Variants in ARHGEF6 observed in about 807,000 individuals in gnomAD.
The protein encoded by ARHGEF6 is Rac/Cdc42 guanine nucleotide exchange factor 6.
A neutral mutation model predicts 70.3 loss-of-function variants in ARHGEF6; 9 were observed. The observed-to-expected ratio is 0.13, with a 90% CI of 0.08 to 0.22. The LOEUF is 0.22. Among genes scored for constraint, ARHGEF6 ranks in the 10% least tolerant of loss-of-function variants. ARHGEF6 has a pLI of 1.00. For synonymous variants in ARHGEF6, 201 were observed against 207.8 expected (o/e 0.97, Z 0.28); for missense variants, 470 against 563.0 (o/e 0.83, Z 1.67).
chrX:136,698,109 T>C (rs573111272), intron 9 of ARHGEF6, among the ~76,000 whole-genome samples: 3 of 111,547 alleles, frequency 2.7e-5, no homozygotes, highest in South Asian at 7.4e-4. Flanking sequence ...AGTTTAAAAG[T>C]AAAATAACTG....
chrX:136,693,351 G>A (rs890990839), intron 9 of ARHGEF6, among the ~76,000 whole-genome samples: 7 of 112,142 alleles, frequency 6.2e-5, no homozygotes, highest in African/African-American at 1.9e-4. Context: ...GAACAAAATT[G>A]TCCTAAAATG....
intron 6 of ARHGEF6, among the ~76,000 whole-genome samples, chrX:136,728,305 A>G (rs1348691957): frequency 1.8e-5 from 2 of 110,972 alleles, no homozygotes; most frequent in African/African-American, 6.6e-5. Context: ...AGTCTCAGTT[A>G]CCCACATTAA....
rs368572163 is a variant in ARHGEF6 at position 136,720,875 on chromosome X, C to CA, written c.733-7506dup. ...TATCAGCAATAAACAAAATCTGAAA[C>CA]AAAAAAATAATATTTAGATTAGCAC... On this transcript the variant is annotated intron_variant, in intron 6 of 21. Coordinates refer to ENST00000250617, the MANE Select transcript of ARHGEF6 (RefSeq NM_004840.3). Among the ~76,000 whole-genome samples, 14 of 110,847 alleles carry CA rather than the reference C, an allele frequency of 1.3e-4. No homozygotes were observed. The East Asian group carries it at 2.8e-3, about 22-fold the overall frequency.
chrX:136,733,647 A>AT (rs1228141784), intron 5 of ARHGEF6, among the ~76,000 whole-genome samples: 1 of 112,293 alleles, frequency 8.9e-6, no homozygotes, highest in Non-Finnish European at 1.9e-5. Flanking sequence ...CCTAATATTT[A>AT]TTTCATACTT....
chrX:136,674,111 C>A (rs749628359), intron 19 of ARHGEF6, among the ~76,000 whole-genome samples: 3 of 112,326 alleles, frequency 2.7e-5, no homozygotes, highest in Non-Finnish European at 5.6e-5. Flanking sequence ...AAGGGATCTG[C>A]CTGCTTTGGC....
At chrX:136,682,687 G>T in intron 13 of ARHGEF6, 71 bp downstream of exon 13, 1 of 817,298 alleles carries the variant, frequency 1.2e-6, no homozygotes, top group South Asian at 2.1e-5. Context: ...CCATAGTGGA[G>T]ATATTGCATC....
chrX:136,717,733 A>T (rs932962368), intron 6 of ARHGEF6, among the ~76,000 whole-genome samples: 1 of 111,596 alleles, frequency 9.0e-6, no homozygotes, highest in African/African-American at 3.3e-5. Context: ...AATTAGGAAT[A>T]CTATGTTATT....
At chrX:136,703,847 T>TGTAG (rs2076600707) in intron 9 of ARHGEF6, among the ~76,000 whole-genome samples, 1 of 112,916 alleles carries the variant, frequency 8.9e-6, no homozygotes, top group Non-Finnish European at 1.9e-5. Context: ...AATTAAGGAA[T>TGTAG]GTACCTTGCT....
At chrX:136,764,842 T>C (rs1173960203) in intron 2 of ARHGEF6, among the ~76,000 whole-genome samples, 3 of 112,293 alleles carry the variant, frequency 2.7e-5, no homozygotes, top group South Asian at 7.4e-4. Flanking sequence ...CTGGGCCTCA[T>C]TGCGGACCAA....
chrX:136,726,258 G>A (rs1440368451), intron 6 of ARHGEF6, among the ~76,000 whole-genome samples: 3 of 111,305 alleles, frequency 2.7e-5, no homozygotes, highest in Non-Finnish European at 3.8e-5. Context: ...GATTCTGCAC[G>A]CCCAGGTCCT....
intron 2 of ARHGEF6, among the ~76,000 whole-genome samples, chrX:136,773,476 C>T (rs770485513): frequency 8.9e-6 from 1 of 112,156 alleles, no homozygotes; most frequent in African/African-American, 3.2e-5. Flanking sequence ...GCTCAGCTTT[C>T]GGTCTCATTC....
At chrX:136,706,658 T>G (rs932411243) in intron 9 of ARHGEF6, among the ~76,000 whole-genome samples, 34 of 112,099 alleles carry the variant, frequency 3.0e-4, no homozygotes, top group African/African-American at 1.0e-3. Flanking sequence ...CTGTGCTCAA[T>G]GAGGGGAAGG....
intron 6 of ARHGEF6, among the ~76,000 whole-genome samples, chrX:136,722,152 A>G (rs1402949681): frequency 1.8e-5 from 2 of 111,275 alleles, no homozygotes; most frequent in African/African-American, 3.3e-5. Context: ...CAAAAGAAAG[A>G]ATTTACACCC....
At chrX:136,668,958 T>C (rs183689665) in intron 21 of ARHGEF6, among the ~76,000 whole-genome samples, 4 of 111,608 alleles carry the variant, frequency 3.6e-5, no homozygotes, top group African/African-American at 1.3e-4. Flanking sequence ...CCCAGCCTCA[T>C]TACCCTGCCT....
chrX:136,677,947 A>G lies in ARHGEF6; in HGVS notation c.1840T>C (p.Tyr614His), dbSNP rs761684009. ...TGTACTACCCTTACCTTTAAGATAT[A>G]AGACATCCTCTAAAATGAATATGTA... Reference protein sequence around the residue: ...AALGYKERMSYILKESSKSPK... With the variant: ...AALGYKERMSHILKESSKSPK... Residue 614 changes from tyrosine (Y) to histidine (H), a missense_variant, in exon 17 of 22, where the codon TAT becomes CAT. This residue lies in a region of ARHGEF6 where 379 missense variants were observed against 449.3 expected (regional missense o/e 0.84). Transcript: ENST00000250617. 1 of 1,205,355 alleles carries G rather than the reference A, an allele frequency of 8.3e-7. No individual in the cohort carries two copies. The highest frequency in any genetic ancestry group is 1.1e-6 in the Non-Finnish European group (1 of 889,772).
At chrX:136,749,185 A>G (rs1479054316) in intron 2 of ARHGEF6, among the ~76,000 whole-genome samples, 1 of 112,123 alleles carries the variant, frequency 8.9e-6, no homozygotes, top group Non-Finnish European at 1.9e-5. Context: ...TACATTGACA[A>G]GAGTTTTGTT....
At chrX:136,745,027 C>T (rs11095670) in intron 4 of ARHGEF6, among the ~76,000 whole-genome samples, 196 bp downstream of exon 4, 1,421 of 111,564 alleles carry the variant, frequency 0.013, 23 homozygotes, top group African/African-American at 0.042. Flanking sequence ...AGCTTCAATC[C>T]GGATTTTTGC....
At chrX:136,700,457 G>A (rs1419280450) in intron 9 of ARHGEF6, among the ~76,000 whole-genome samples, 1 of 111,220 alleles carries the variant, frequency 9.0e-6, no homozygotes, top group Non-Finnish European at 1.9e-5. Flanking sequence ...AACCTGTGAG[G>A]CAAAGGTTGC....
intron 2 of ARHGEF6, among the ~76,000 whole-genome samples, chrX:136,750,156 A>G (rs1252734943): frequency 9.0e-6 from 1 of 111,721 alleles, no homozygotes; most frequent in African/African-American, 3.3e-5. Flanking sequence ...CCCAATGTAG[A>G]GAGGGTGTGA....
Sources: gnomAD v4.1 joint callset for allele counts (sites outside exome capture counted in the v4.1 genomes callset) on GRCh38, gnomAD v4.1.1 for gene constraint, gnomAD v4.1.1 regional missense constraint, MANE v1.5 for transcripts, NCBI Gene and HGNC (gene_info 2026-07-23, HGNC 2026-07-21) for gene names.